Variants in SPTBN4 observed in about 807,000 individuals in gnomAD.
The protein encoded by SPTBN4 is spectrin beta, non-erythrocytic 4.
SPTBN4 carries 96 observed loss-of-function variants against 277.8 expected under a neutral mutation model. That is an observed-to-expected ratio of 0.35 (90% confidence interval 0.29 to 0.41). The LOEUF (loss-of-function observed/expected upper bound fraction) is 0.41, where lower values mean the gene tolerates loss of function less well. SPTBN4 is among the 10% of genes least tolerant of loss of function. The probability of loss-of-function intolerance (pLI) is 1.00; values close to 1 mark genes in which losing one functional copy is unlikely to be tolerated. For missense variants in SPTBN4, 3,006 were observed against 3,595.7 expected (o/e 0.84, Z 4.19); for synonymous variants, 1,481 against 1,580.3 (o/e 0.94, Z 1.49).
intron 20 of SPTBN4, among the ~76,000 whole-genome samples, chr19:40,535,698 C>T (rs770492041): frequency 5.9e-5 from 9 of 152,124 alleles, no homozygotes; most frequent in Admixed American, 2.6e-4. Flanking sequence ...TTCGGGAGGC[C>T]GAGGCGGGCG....
intron 20 of SPTBN4, among the ~76,000 whole-genome samples, chr19:40,545,994 G>A (rs774454657): frequency 2.8e-4 from 42 of 149,638 alleles, no homozygotes; most frequent in Non-Finnish European, 5.2e-4. Flanking sequence ...AGCTTGCAGT[G>A]AGCCAAGATA....
intron 27 of SPTBN4, among the ~76,000 whole-genome samples, chr19:40,564,607 G>A (rs1385317057): frequency 6.6e-6 from 1 of 152,154 alleles, no homozygotes; most frequent in Non-Finnish European, 1.5e-5. Context: ...GGAGGCTGAG[G>A]CAGGTGGATT....
At chr19:40,467,935 C>A (rs1425053689) in intron 1 of SPTBN4, among the ~76,000 whole-genome samples, 2 of 152,034 alleles carry the variant, frequency 1.3e-5, no homozygotes, top group Non-Finnish European at 2.9e-5. Flanking sequence ...AGAGGCAAAT[C>A]GATTTGCTGA....
chr19:40,552,014 G>C (rs1017289049), intron 22 of SPTBN4, among the ~76,000 whole-genome samples: 1 of 150,302 alleles, frequency 6.7e-6, no homozygotes, highest in Non-Finnish European at 1.5e-5. Context: ...AAAAAACATC[G>C]ATTAAAGATT....
At position 40,515,585 on chromosome 19, in the gene SPTBN4, A is replaced by G. The variant is rs2080445057; in HGVS notation, c.2903+137A>G. On this transcript the variant is annotated intron_variant, in intron 15 of 35. Coordinates refer to ENST00000598249, the MANE Select transcript of SPTBN4 (RefSeq NM_020971.3). This position sits in a 1 kb window ranked among gnomAD's most constrained non-coding sequence, Gnocchi z 4.1. ...TAAATCAACAAAATGTTGACCAAAA[A>G]TCATAATCCCTGATACTGGTGATGA... 2.8e-6 allele frequency: 3 copies of G among 1,062,450 alleles called. No individual in the cohort carries two copies. The South Asian group carries it at 5.9e-5, about 21-fold the overall frequency. 65.8% of individuals were successfully genotyped at this position (1,062,450 alleles called of 1,614,324 possible). A position where few individuals can be genotyped will look rare whatever the true frequency, so the allele number is the denominator to read the frequency against.
chr19:40,548,024 G>C (rs1356238421), intron 20 of SPTBN4, among the ~76,000 whole-genome samples: 1 of 152,088 alleles, frequency 6.6e-6, no homozygotes, highest in African/African-American at 2.4e-5. Context: ...AGCTAAATTG[G>C]TTAGCCATTG....
At chr19:40,468,988 A>C (rs556642289) in intron 1 of SPTBN4, among the ~76,000 whole-genome samples, 1 of 152,168 alleles carries the variant, frequency 6.6e-6, no homozygotes, top group Non-Finnish European at 1.5e-5. Flanking sequence ...AGTCCCATCT[A>C]CTCAGGAGGC....
chr19:40,486,015 C>T (rs980682345), intron 2 of SPTBN4, among the ~76,000 whole-genome samples: 4 of 150,594 alleles, frequency 2.7e-5, no homozygotes, highest in East Asian at 2.0e-4. Flanking sequence ...AATGACCAAG[C>T]GCAGTGGCTA....
chr19:40,513,528 C>G lies in SPTBN4; in HGVS notation c.2739C>G (p.Leu913=), dbSNP rs773198722. 6.3e-7 allele frequency: 1 copy of G among 1,586,158 alleles called. No homozygotes were observed. The highest frequency in any genetic ancestry group is 1.3e-5 in the African/African-American group (1 of 74,472). The change falls in exon 14 of 36, where the codon CTC becomes CTG. Residue 913 remains leucine (L), a synonymous_variant. Transcript: ENST00000598249. ...TCTCCATGCGTGTGCCGGATTCACT[C>G]GACGACGTCGAGGTGGTGCAGCACC... ...WLLSMRVPDS[L]DDVEVVQHRF... is the part of the protein sequence containing the mutation.
Position 40,489,239 on chromosome 19 carries a change from A to AGAAAGAAG in SPTBN4, c.322-836_322-835insGAAAGAAG, listed in dbSNP as rs377693651. On this transcript the variant is annotated intron_variant, in intron 3 of 35. Transcript: ENST00000598249. Reference sequence around the variant, plus strand: ...GCCAAAAAAAAAAAAAAAGAAAGAAAAAAAAGAATAGATAGGAACCAACGC... The same window carrying AGAAAGAAG: ...GCCAAAAAAAAAAAAAAAGAAAGAAAGAAAGAAGAAAAAGAATAGATAGGAACCAACGC... Among the ~76,000 whole-genome samples the AGAAAGAAG allele has an allele frequency of 3.7e-3, 568 of 151,568 alleles. 6 individuals are homozygous for AGAAAGAAG. Among genetic ancestry groups the AGAAAGAAG allele is most frequent in the African/African-American group, 0.013 (539 of 41,282 alleles).
At chr19:40,572,782 A>C (rs530749180) in intron 35 of SPTBN4, 1 of 173,382 alleles carries the variant, frequency 5.8e-6, no homozygotes, top group African/African-American at 2.4e-5. Flanking sequence ...AACATGGTGA[A>C]ACCCCGTCTC....
At position 40,549,281 on chromosome 19, in the gene SPTBN4, G is replaced by T; in HGVS notation, c.4452G>T (p.Glu1484Asp). Reference sequence around the variant, plus strand: ...TGCCGCTGGAGCCGGCGAGCAAGGAGCTGGTGGGTGAGCGGCAGAACGCGG... The same window carrying T: ...TGCCGCTGGAGCCGGCGAGCAAGGATCTGGTGGGTGAGCGGCAGAACGCGG... ...AALPLEPASKELVGERQNAVG... is the reference protein window; with the variant it reads ...AALPLEPASKDLVGERQNAVG... Residue 1484 changes from glutamate (E) to aspartate (D), a missense_variant, in exon 21 of 36, where the codon GAG (glutamate) becomes GAT (aspartate). By Grantham distance (45) the Glu-to-Asp change is conservative. Transcript: ENST00000598249. 6.5e-7 allele frequency: 1 copy of T among 1,544,860 alleles called. No homozygotes were observed. The highest frequency in any genetic ancestry group is 1.2e-5 in the South Asian group (1 of 83,930).
rs2081032616 is a variant in SPTBN4 at position 40,560,556 on chromosome 19, G to A, written c.5915+153G>A. On this transcript the variant is annotated intron_variant, in intron 27 of 35. Coordinates refer to ENST00000598249, the MANE Select transcript of SPTBN4 (RefSeq NM_020971.3). The surrounding 1 kb of genome is among the most constrained non-coding windows in gnomAD (Gnocchi z 5.2). ...CTAGGCACTGTTCTAGGTGCTTCGT[G>A]TGTATTCAGACCCCTTTTTTAGGCC... 3 of 1,523,272 alleles carry A rather than the reference G, an allele frequency of 2.0e-6. No homozygotes were observed. Among genetic ancestry groups the A allele is most frequent in the Non-Finnish European group, 2.6e-6 (3 of 1,137,580 alleles). 94.4% of individuals were successfully genotyped at this position (1,523,272 alleles called of 1,614,324 possible). A position where few individuals can be genotyped will look rare whatever the true frequency, so the allele number is the denominator to read the frequency against.
intron 35 of SPTBN4, chr19:40,572,687 G>T: frequency 2.8e-6 from 1 of 362,274 alleles, no homozygotes; most frequent in Non-Finnish European, 5.2e-6. Flanking sequence ...GGCCAGGCGC[G>T]GTGGCTCACG....
At chr19:40,488,094 G>A (rs892798143) in intron 3 of SPTBN4, among the ~76,000 whole-genome samples, 2 of 152,112 alleles carry the variant, frequency 1.3e-5, no homozygotes, top group East Asian at 1.9e-4. Context: ...CGCTAGCTAC[G>A]GTTGCGAGGC....
intron 24 of SPTBN4, among the ~76,000 whole-genome samples, chr19:40,555,799 T>A (rs1278832138): frequency 6.6e-6 from 1 of 151,646 alleles, no homozygotes; most frequent in African/African-American, 2.4e-5. Context: ...CACGTGCCTG[T>A]GGTCCCACTT....
chr19:40,532,378 G>A (rs776901653), intron 18 of SPTBN4, among the ~76,000 whole-genome samples: 1 of 152,032 alleles, frequency 6.6e-6, no homozygotes. Context: ...CCTCAGGACA[G>A]GGGACAGGGG....
chr19:40,546,690 A>C (rs764533616), intron 20 of SPTBN4, among the ~76,000 whole-genome samples: 1 of 152,140 alleles, frequency 6.6e-6, no homozygotes, highest in Non-Finnish European at 1.5e-5. Context: ...CAAATTTCAA[A>C]AATGAGCTGG....
chr19:40,467,102 G>A lies in SPTBN4; in HGVS notation c.-219G>A. On this transcript the variant is annotated 5_prime_UTR_variant, in exon 1 of 36. Coordinates refer to ENST00000598249, the MANE Select transcript of SPTBN4 (RefSeq NM_020971.3). ...GCGCGGGGACCGCGGGCGGGAGGGGGTCCCGGGGGCGCGCTGAGCGCGGCG... is the reference window on the plus strand; with the variant it reads ...GCGCGGGGACCGCGGGCGGGAGGGGATCCCGGGGGCGCGCTGAGCGCGGCG... 6.7e-6 allele frequency: 1 copy of A among 149,750 alleles called. No homozygotes were observed. Among genetic ancestry groups the A allele is most frequent in the Non-Finnish European group, 1.5e-5 (1 of 66,798 alleles). The allele number at this position is 149,750 out of a possible 1,614,324, so 9.3% of individuals were successfully genotyped here.
Sources: allele counts gnomAD v4.1 joint callset (sites outside exome capture counted in the v4.1 genomes callset), GRCh38; gene constraint gnomAD v4.1.1; non-coding constraint Gnocchi (gnomAD v3.1); transcripts MANE v1.5; gene names NCBI Gene and HGNC (gene_info 2026-07-23, HGNC 2026-07-21).